ATXN8OS: variants seen among roughly 807,000 people sequenced by gnomAD.
The protein encoded by ATXN8OS is ATXN8 opposite strand (non-protein coding).
Position 70,171,327 on chromosome 13 carries a change from C to T in ATXN8OS, n.2148C>T, listed in dbSNP as rs535718922. Among the ~76,000 whole-genome samples the T allele has an allele frequency of 3.3e-5, 5 of 152,078 alleles. No homozygotes were observed. The South Asian group carries it at 8.3e-4, about 25-fold the overall frequency. On this transcript the variant is annotated non_coding_transcript_exon_variant, in exon 5 of 5. Coordinates refer to ENST00000678624, the Ensembl canonical transcript of ATXN8OS. The stretch of plus-strand genomic sequence containing the variant: ...CATTATGTACAGAGAAACCTTTGGG[C>T]GTAACTTTAAGGAAGAAACTTTAGG...
chr13:70,146,692 C>T (rs1353619668), intron 3 of ATXN8OS, among the ~76,000 whole-genome samples: 1 of 143,832 alleles, frequency 7.0e-6, no homozygotes, highest in African/African-American at 2.6e-5. Flanking sequence ...CATGTTCTCA[C>T]TCATAGGTGG....
At chr13:70,143,779 C>CTG (rs1329794028) in intron 3 of ATXN8OS, among the ~76,000 whole-genome samples, 4 of 151,958 alleles carry the variant, frequency 2.6e-5, no homozygotes, top group African/African-American at 9.7e-5. Flanking sequence ...CTTGATCTCT[C>CTG]TAGAAATAAG....
intron 4 of ATXN8OS, among the ~76,000 whole-genome samples, chr13:70,149,647 T>C (rs911319050): frequency 1.3e-5 from 2 of 152,156 alleles, no homozygotes; most frequent in Non-Finnish European, 1.5e-5. Context: ...TGAATATCAC[T>C]ATTATCATGA....
At chr13:70,153,800 C>A (rs922883486) in intron 4 of ATXN8OS, among the ~76,000 whole-genome samples, 1 of 152,042 alleles carries the variant, frequency 6.6e-6, no homozygotes, top group Non-Finnish European at 1.5e-5. Flanking sequence ...CCACCTCAAC[C>A]TCCCAAGCAG....
exon 5 of ATXN8OS, among the ~76,000 whole-genome samples, chr13:70,171,320 C>T (rs921672384): frequency 2.0e-5 from 3 of 152,028 alleles, no homozygotes; most frequent in Non-Finnish European, 4.4e-5. Context: ...ACAGAGAAAC[C>T]TTTGGGCGTA....
intron 4 of ATXN8OS, among the ~76,000 whole-genome samples, chr13:70,161,078 A>G (rs1889003459): frequency 6.6e-6 from 1 of 151,682 alleles, no homozygotes; most frequent in Admixed American, 6.6e-5. Flanking sequence ...AACTTTAATT[A>G]TCTTAAAATC....
At chr13:70,110,510 G>GAA (rs148222366) in intron 1 of ATXN8OS, among the ~76,000 whole-genome samples, 262 of 144,580 alleles carry the variant, frequency 1.8e-3, no homozygotes, top group African/African-American at 6.3e-3. Context: ...AATAAAACAA[G>GAA]AAAAAAAAAT....
intron 4 of ATXN8OS, among the ~76,000 whole-genome samples, chr13:70,168,880 ATTTAT>A (rs1889110555): frequency 2.0e-5 from 3 of 152,000 alleles, no homozygotes; most frequent in South Asian, 4.1e-4. Context: ...GTTAGTATGG[ATTTAT>A]TTTGTCTGCA....
chr13:70,116,804 T>C (rs1044476281), intron 2 of ATXN8OS, among the ~76,000 whole-genome samples: 1 of 152,156 alleles, frequency 6.6e-6, no homozygotes, highest in Non-Finnish European at 1.5e-5. Context: ...GATGTAAATG[T>C]GGACCAGACA....
chr13:70,156,048 C>A (rs1484459343), intron 4 of ATXN8OS, among the ~76,000 whole-genome samples: 1 of 151,902 alleles, frequency 6.6e-6, no homozygotes, highest in African/African-American at 2.4e-5. Flanking sequence ...TTTTAACTAA[C>A]AATAAAAAAA....
chr13:70,130,070 CTT>C (rs145859086), intron 3 of ATXN8OS, among the ~76,000 whole-genome samples: 2,718 of 152,252 alleles, frequency 0.018, 74 homozygotes, highest in African/African-American at 0.061. Context: ...GGACCATGGA[CTT>C]TCTCTCCAAT....
chr13:70,130,874 A>C (rs1177442895), intron 3 of ATXN8OS: 1 of 398,404 alleles, frequency 2.5e-6, no homozygotes, highest in Non-Finnish European at 4.4e-6. Flanking sequence ...CAAATCATAC[A>C]AGAAGGTCCA....
chr13:70,108,030 C>T (rs1018616876), intron 1 of ATXN8OS: 6 of 433,736 alleles, frequency 1.4e-5, no homozygotes, highest in Non-Finnish European at 2.4e-5. Context: ...GTGGGACAAC[C>T]CTTAGGCTGG....
chr13:70,140,353 C>T (rs1888693750), intron 3 of ATXN8OS, among the ~76,000 whole-genome samples: 1 of 151,946 alleles, frequency 6.6e-6, no homozygotes. Flanking sequence ...CATGTAATAA[C>T]AATGTCCACT....
rs554171686 is a variant in ATXN8OS at position 70,146,464 on chromosome 13, C to T, written n.500-891C>T. Among the ~76,000 whole-genome samples the T allele has an allele frequency of 7.2e-4, 109 of 152,214 alleles. 1 individual carries two copies. Among genetic ancestry groups the T allele is most frequent in the South Asian group, 3.7e-3 (18 of 4,808 alleles). On this transcript the variant is annotated intron_variant and non_coding_transcript_variant, in intron 3 of 4. Transcript: ENST00000678624. ...ATGCTGCTATAAAGACACATGCACACGTATGTTTATTGTGTCACTATTCAC... is the reference window on the plus strand; with the variant it reads ...ATGCTGCTATAAAGACACATGCACATGTATGTTTATTGTGTCACTATTCAC...
At chr13:70,168,458 T>A (rs1434205757) in intron 4 of ATXN8OS, among the ~76,000 whole-genome samples, 1 of 152,024 alleles carries the variant, frequency 6.6e-6, no homozygotes. Flanking sequence ...ACATTAGAAG[T>A]TATTCCTTCT....
chr13:70,147,561 AT>A (rs1230018128), intron 4 of ATXN8OS, among the ~76,000 whole-genome samples: 2 of 152,184 alleles, frequency 1.3e-5, no homozygotes, highest in Admixed American at 6.6e-5. Flanking sequence ...AAAGAAGTAT[AT>A]ATGGTGCCCA....
chr13:70,149,143 G>A (rs1322750578), intron 4 of ATXN8OS, among the ~76,000 whole-genome samples: 1 of 152,048 alleles, frequency 6.6e-6, no homozygotes, highest in Non-Finnish European at 1.5e-5. Flanking sequence ...TTGTTTTGCA[G>A]TTTCTTCTGT....
chr13:70,158,742 A>G (rs1319019031), intron 4 of ATXN8OS, among the ~76,000 whole-genome samples: 1 of 152,208 alleles, frequency 6.6e-6, no homozygotes, highest in African/African-American at 2.4e-5. Flanking sequence ...ATTTATGGGC[A>G]CTGGATTTTG....
Sources: gnomAD v4.1 joint callset for allele counts (sites outside exome capture counted in the v4.1 genomes callset) on GRCh38, gnomAD v4.1.1 for gene constraint, MANE v1.5 for transcripts, NCBI Gene and HGNC (gene_info 2026-07-23, HGNC 2026-07-21) for gene names.